The following RICTOR variants were observed in gnomAD, a reference collection of about 807,000 sequenced individuals.
RICTOR encodes RPTOR independent companion of MTOR complex 2.
A neutral mutation model predicts 214.9 loss-of-function variants in RICTOR; 49 were observed. The ratio of observed to expected loss-of-function variants is 0.23; its 90% CI spans 0.18 to 0.29. The LOEUF (loss-of-function observed/expected upper bound fraction) is 0.29, where lower values mean the gene tolerates loss of function less well. Among genes scored for constraint, RICTOR ranks in the 10% least tolerant of loss-of-function variants. RICTOR has a pLI of 1.00. For missense variants in RICTOR, 1,625 were observed against 2,047.0 expected (o/e 0.79, Z 3.98); for synonymous variants, 717 against 711.3 (o/e 1.01, Z -0.13).
rs760985733 is a variant in RICTOR at position 38,960,443 on chromosome 5, C to T, written c.1806G>A (p.Thr602=). 1.3e-5 allele frequency: 21 copies of T among 1,613,748 alleles called. No individual in the cohort carries two copies. The highest frequency in any genetic ancestry group is 8.9e-5 in the East Asian group (4 of 44,874). Residue 602 remains threonine, a synonymous_variant, in exon 20 of 38, where the codon ACG becomes ACA. Transcript: ENST00000357387. ...ATTCTGTAAACTGGCAACCTACAAC[C>T]GTGAGCTGTTTGGCCTTGGCAAAAT... ...DLDFAKAKQL[T]VVGCQFTEFL... is the part of the protein sequence containing the mutation.
chr5:39,016,847 A>G (rs1010073951), intron 3 of RICTOR, among the ~76,000 whole-genome samples: 3 of 152,190 alleles, frequency 2.0e-5, no homozygotes, highest in Non-Finnish European at 4.4e-5. Flanking sequence ...TTTGTTGTTA[A>G]GTATAAACCA....
intron 7 of RICTOR, among the ~76,000 whole-genome samples, chr5:38,990,539 TATATACACG>T (rs1244000539): frequency 9.2e-5 from 13 of 141,334 alleles, no homozygotes; most frequent in African/African-American, 2.9e-4. Flanking sequence ...ATATATACGA[TATATACACG>T]ATATACACGA....
chr5:39,071,321 T>C (rs1370300558), intron 2 of RICTOR, among the ~76,000 whole-genome samples: 1 of 152,134 alleles, frequency 6.6e-6, no homozygotes, highest in African/African-American at 2.4e-5. Flanking sequence ...AGATAGACTA[T>C]ACCCAATTAG....
intron 3 of RICTOR, among the ~76,000 whole-genome samples, chr5:39,016,320 G>A (rs565315506): frequency 8.8e-5 from 13 of 147,496 alleles, no homozygotes; most frequent in African/African-American, 3.2e-4. Context: ...GGAAGGAGAG[G>A]GGGAACAGAG....
intron 9 of RICTOR, among the ~76,000 whole-genome samples, chr5:38,976,978 G>C (rs1334071533): frequency 1.3e-5 from 2 of 152,208 alleles, no homozygotes; most frequent in Non-Finnish European, 2.9e-5. Flanking sequence ...TTGTCTAGCA[G>C]AGCATAAGAA....
At position 38,947,256 on chromosome 5, in the gene RICTOR, G is replaced by T. The variant is rs749507503; in HGVS notation, c.4314+8C>A. 6.3e-6 allele frequency: 10 copies of T among 1,589,136 alleles called. No homozygotes were observed. In the African/African-American group the frequency reaches 9.5e-5, roughly 15 times the overall value. ...CTCATAGGAAAACAATAAAATGTAT[G>T]ATAATACCTGGAATATATCATTTAT... is the stretch of plus-strand genomic sequence containing the variant. On this transcript the variant is annotated splice_region_variant and intron_variant, in intron 32 of 37. Coordinates refer to ENST00000357387, the MANE Select transcript of RICTOR (RefSeq NM_152756.5).
chr5:38,943,738 G>A (rs760180702), intron 36 of RICTOR, among the ~76,000 whole-genome samples: 21 of 152,080 alleles, frequency 1.4e-4, no homozygotes, highest in Non-Finnish European at 2.5e-4. Flanking sequence ...GCTTGAACCC[G>A]GGAGGCAGAG....
chr5:39,034,775 C>A (rs1016775668), intron 2 of RICTOR, among the ~76,000 whole-genome samples: 1 of 152,134 alleles, frequency 6.6e-6, no homozygotes, highest in Non-Finnish European at 1.5e-5. Flanking sequence ...GGGAGGGGCG[C>A]CCGCCATTGC....
chr5:39,027,187 G>T (rs926309105), intron 2 of RICTOR, among the ~76,000 whole-genome samples: 6 of 152,036 alleles, frequency 3.9e-5, no homozygotes, highest in Non-Finnish European at 8.8e-5. Flanking sequence ...AGCTGAAAAG[G>T]GATGGGGTTA....
Position 39,013,776 on chromosome 5 carries a change from T to C in RICTOR, c.195+7263A>G, listed in dbSNP as rs540702856. ...GAAAAGGAAAGCATGCTATGATATA[T>C]TGGGATGTGGAAAGCAGCAAACTGC... On this transcript the variant is annotated intron_variant, in intron 3 of 37. Transcript: ENST00000357387. Among the ~76,000 whole-genome samples, 13 of 152,198 alleles carry C rather than the reference T, an allele frequency of 8.5e-5. No individual in the cohort carries two copies. The South Asian group carries it at 2.5e-3, about 29-fold the overall frequency.
chr5:38,990,665 A>T (rs376105199), intron 7 of RICTOR, among the ~76,000 whole-genome samples: 48 of 8,756 alleles, frequency 5.5e-3, no homozygotes, highest in East Asian at 0.011. Context: ...GATATATATC[A>T]GATATATATC....
rs115682465 is a variant in RICTOR at position 38,950,819 on chromosome 5, C to T, written c.3128-99G>A. 3,298 of 988,300 alleles carry T rather than the reference C, an allele frequency of 3.3e-3. 57 individuals are homozygous for T. In the African/African-American group the frequency reaches 0.048, roughly 14 times the overall value. 61.2% of individuals were successfully genotyped at this position (988,300 alleles called of 1,614,324 possible). ...TTTCAGGAAATTTTTTTTTAGTCAT[C>T]TAGAGGAAAAAATTTAAAAATAAAC... is the stretch of plus-strand genomic sequence containing the variant. On this transcript the variant is annotated intron_variant, in intron 30 of 37. Coordinates refer to ENST00000357387, the MANE Select transcript of RICTOR (RefSeq NM_152756.5).
At position 38,981,878 on chromosome 5, in the gene RICTOR, C is replaced by T; in HGVS notation, c.742G>A (p.Val248Ile). ...PKTRQYVRAD[V>I]ELERILAPYT... ...ATTAAAGTTCCTACCTCTAATTCTA[C>T]ATCAGCTCGCACATACTGTCGAGTC... is the stretch of plus-strand genomic sequence containing the variant. The change falls in exon 8 of 38, where the codon GTA (valine) becomes ATA (isoleucine). Residue 248 changes from valine to isoleucine, a missense_variant. Physicochemically the swap from Val to Ile is conservative, Grantham distance 29 (BLOSUM62 3). This residue lies in a region of RICTOR where 258 missense variants were observed against 393.7 expected (regional missense o/e 0.66). Transcript: ENST00000357387. 6.2e-7 allele frequency: 1 copy of T among 1,607,498 alleles called. No individual in the cohort carries two copies. Among genetic ancestry groups the T allele is most frequent in the Non-Finnish European group, 8.5e-7 (1 of 1,175,306 alleles).
chr5:38,954,746 A>T, intron 27 of RICTOR, 28 bp downstream of exon 27: 1 of 1,288,542 alleles, frequency 7.8e-7, no homozygotes, highest in Non-Finnish European at 1.1e-6. Context: ...TATTGTAGCT[A>T]CTTAAAATAA....
intron 14 of RICTOR, 193 bp downstream of exon 14, chr5:38,966,968 T>G (rs189602639): frequency 1.6e-6 from 1 of 640,624 alleles, no homozygotes; most frequent in East Asian, 2.6e-5. Context: ...GCATGGCTAA[T>G]TTTTGTATTT....
intron 10 of RICTOR, among the ~76,000 whole-genome samples, chr5:38,973,711 G>A (rs1233277426): frequency 3.9e-5 from 6 of 152,004 alleles, no homozygotes; most frequent in Non-Finnish European, 5.9e-5. Flanking sequence ...ATACTATTTC[G>A]CAAATTTTGA....
chr5:38,960,038 T>C lies in RICTOR; in HGVS notation c.1852-60A>G. 2.6e-6 allele frequency: 3 copies of C among 1,154,918 alleles called. No homozygotes were observed. The South Asian group carries it at 3.7e-5, about 14-fold the overall frequency. 71.5% of individuals were successfully genotyped at this position (1,154,918 alleles called of 1,614,324 possible). A position where few individuals can be genotyped will look rare whatever the true frequency, so the allele number is the denominator to read the frequency against. ...GCATTCAAAATCTGTAATTAGAAAA[T>C]CAACTTCAATCAAGTACAAAAACTT... On this transcript the variant is annotated intron_variant, in intron 20 of 37. Coordinates refer to ENST00000357387, the MANE Select transcript of RICTOR (RefSeq NM_152756.5).
chr5:39,063,730 T>C (rs1221427666), intron 2 of RICTOR, among the ~76,000 whole-genome samples: 1 of 152,020 alleles, frequency 6.6e-6, no homozygotes, highest in Non-Finnish European at 1.5e-5. Flanking sequence ...CAGTATTAAC[T>C]AACCCATGTG....
intron 3 of RICTOR, among the ~76,000 whole-genome samples, chr5:39,009,133 T>A (rs1282484171): frequency 6.6e-6 from 1 of 152,062 alleles, no homozygotes; most frequent in Non-Finnish European, 1.5e-5. Context: ...ATATACAAAG[T>A]CTTGTCCTTT....
Sources: allele counts gnomAD v4.1 joint callset (sites outside exome capture counted in the v4.1 genomes callset), GRCh38; gene constraint gnomAD v4.1.1; regional missense constraint gnomAD v4.1.1; transcripts MANE v1.5; gene names NCBI Gene and HGNC (gene_info 2026-07-23, HGNC 2026-07-21).